Variants in MSRA observed in about 807,000 individuals in gnomAD.
The protein encoded by MSRA is methionine sulfoxide reductase A.
MSRA carries 54 observed loss-of-function variants against 31.3 expected under a neutral mutation model. That is an observed-to-expected ratio of 1.73 (90% confidence interval 1.39 to 2.17). The LOEUF is 2.17. Among genes scored for constraint, MSRA ranks in the 30% most tolerant of loss-of-function variants. The probability of loss-of-function intolerance (pLI) is 0.00; values close to 1 mark genes in which losing one functional copy is unlikely to be tolerated. For synonymous variants in MSRA, 169 were observed against 116.5 expected, an observed-to-expected ratio of 1.45 and a Z score of -2.90; for missense variants, 507 against 300.9, an observed-to-expected ratio of 1.69 and a Z score of -5.07.
chr8:10,069,852 AAT>A lies in MSRA; in HGVS notation c.142+15197_142+15198del, dbSNP rs568640218. On this transcript the variant is annotated intron_variant, in intron 1 of 5. Coordinates refer to ENST00000317173, the MANE Select transcript of MSRA (RefSeq NM_012331.5). ...CTCTACTCTTAGTCTGCTGAGAGTT[AAT>A]ATGTTCTTTTTAATGGCTGCATGAA... is the stretch of plus-strand genomic sequence containing the variant. 3.6e-4 allele frequency among the ~76,000 whole-genome samples: 55 copies of A among 152,352 alleles called. No individual in the cohort carries two copies. The East Asian group carries it at 0.01, about 29-fold the overall frequency.
chr8:10,101,262 A>G (rs779002329), intron 1 of MSRA, among the ~76,000 whole-genome samples: 29 of 152,222 alleles, frequency 1.9e-4, no homozygotes, highest in Non-Finnish European at 3.7e-4. Flanking sequence ...GAGGAGAAAT[A>G]AGGAAATACA....
At chr8:10,381,511 C>T (rs1185895895) in intron 5 of MSRA, among the ~76,000 whole-genome samples, 1 of 152,170 alleles carries the variant, frequency 6.6e-6, no homozygotes, top group African/African-American at 2.4e-5. Flanking sequence ...CCTACGGGCC[C>T]CTCCCCAGTG....
chr8:10,289,778 C>T (rs893081758), intron 3 of MSRA, among the ~76,000 whole-genome samples: 1 of 152,192 alleles, frequency 6.6e-6, no homozygotes, highest in East Asian at 1.9e-4. Flanking sequence ...CGCTTGACAA[C>T]TTACCCAGAG....
At chr8:10,322,954 G>T (rs553363743) in intron 5 of MSRA, among the ~76,000 whole-genome samples, 11 of 152,184 alleles carry the variant, frequency 7.2e-5, no homozygotes, top group African/African-American at 2.6e-4. Context: ...GCCAGGCGTG[G>T]TTACACGCAC....
At chr8:10,209,559 T>C (rs762401006) in intron 2 of MSRA, among the ~76,000 whole-genome samples, 2 of 152,196 alleles carry the variant, frequency 1.3e-5, no homozygotes, top group Non-Finnish European at 2.9e-5. Flanking sequence ...TATTTTATTT[T>C]GCAGTGGGGG....
chr8:10,157,016 G>C (rs1303762879), intron 1 of MSRA, among the ~76,000 whole-genome samples: 1 of 151,638 alleles, frequency 6.6e-6, no homozygotes, highest in Admixed American at 6.6e-5. Context: ...CACATTACCA[G>C]GAGGAGACAG....
chr8:10,224,786 C>G (rs762344399), intron 2 of MSRA, among the ~76,000 whole-genome samples: 1 of 152,214 alleles, frequency 6.6e-6, no homozygotes, highest in Admixed American at 6.5e-5. Flanking sequence ...GATTCCTGCA[C>G]TCCTTAGTCT....
chr8:10,324,205 T>C (rs1206041498), intron 5 of MSRA, among the ~76,000 whole-genome samples: 1 of 152,184 alleles, frequency 6.6e-6, no homozygotes, highest in African/African-American at 2.4e-5. Flanking sequence ...AGTTCCTCAG[T>C]GGCTAGTGTG....
chr8:10,352,586 C>A (rs906312193), intron 5 of MSRA, among the ~76,000 whole-genome samples: 1 of 152,056 alleles, frequency 6.6e-6, no homozygotes, highest in Non-Finnish European at 1.5e-5. Flanking sequence ...AGTCTCTGTT[C>A]TTTTAACGCT....
At chr8:10,269,959 C>G (rs529138464) in intron 3 of MSRA, among the ~76,000 whole-genome samples, 1 of 152,212 alleles carries the variant, frequency 6.6e-6, no homozygotes, top group East Asian at 1.9e-4. Context: ...CCTGCTACCG[C>G]TTACTCTCTC....
At chr8:10,262,880 A>C (rs888854071) in intron 3 of MSRA, among the ~76,000 whole-genome samples, 5 of 152,154 alleles carry the variant, frequency 3.3e-5, no homozygotes, top group Admixed American at 2.6e-4. Flanking sequence ...TGACCTTGTT[A>C]CTGGGTTGTA....
chr8:10,084,526 A>G (rs1186052823), intron 1 of MSRA, among the ~76,000 whole-genome samples: 2 of 152,216 alleles, frequency 1.3e-5, no homozygotes, highest in Non-Finnish European at 2.9e-5. Context: ...TACAAACTGG[A>G]GACAGACTAC....
intron 1 of MSRA, among the ~76,000 whole-genome samples, chr8:10,092,017 G>T (rs774361771): frequency 2.0e-5 from 3 of 150,980 alleles, no homozygotes; most frequent in Admixed American, 6.6e-5. Flanking sequence ...CCACGTTCTT[G>T]TCAATACTTG....
chr8:10,165,266 T>A (rs1241256061), intron 1 of MSRA, among the ~76,000 whole-genome samples: 1 of 152,212 alleles, frequency 6.6e-6, no homozygotes, highest in Non-Finnish European at 1.5e-5. Flanking sequence ...TGTTTTACAT[T>A]AAATTTAATA....
chr8:10,261,131 A>C (rs58109044), intron 3 of MSRA, among the ~76,000 whole-genome samples: 4,693 of 151,462 alleles, frequency 0.031, 158 homozygotes, highest in African/African-American at 0.083. Flanking sequence ...TAGTGTACCC[A>C]AAAAAAAACT....
At chr8:10,424,506 A>C (rs1809011754) in intron 5 of MSRA, among the ~76,000 whole-genome samples, 1 of 137,606 alleles carries the variant, frequency 7.3e-6, no homozygotes, top group African/African-American at 2.8e-5. Context: ...ATGGAATAGG[A>C]TCGGGGAGAA....
chr8:10,167,927 G>A (rs780290568), intron 1 of MSRA, among the ~76,000 whole-genome samples: 33 of 152,168 alleles, frequency 2.2e-4, no homozygotes, highest in Non-Finnish European at 3.8e-4. Flanking sequence ...AAAATGGACC[G>A]CGGAAGAGAG....
intron 5 of MSRA, 76 bp from the exon 6 acceptor site, chr8:10,428,072 G>C (rs557182437): frequency 1.3e-6 from 2 of 1,507,954 alleles, no homozygotes; most frequent in African/African-American, 2.8e-5. Flanking sequence ...CTGCAGCCCT[G>C]GCCCCTCAGT....
chr8:10,259,899 C>G (rs529428169), intron 3 of MSRA, among the ~76,000 whole-genome samples: 1 of 152,222 alleles, frequency 6.6e-6, no homozygotes, highest in Non-Finnish European at 1.5e-5. Context: ...CCGCCTCACC[C>G]CCTCTGTAGG....
Sources: allele counts gnomAD v4.1 joint callset (sites outside exome capture counted in the v4.1 genomes callset), GRCh38; gene constraint gnomAD v4.1.1; transcripts MANE v1.5; gene names NCBI Gene and HGNC (gene_info 2026-07-23, HGNC 2026-07-21).